FAM24B: variants seen among roughly 807,000 people sequenced by gnomAD.
The protein encoded by FAM24B is family with sequence similarity 24 member B.
FAM24B carries 3 observed loss-of-function variants against 2.3 expected under a neutral mutation model. The observed-to-expected ratio is 1.29, with a 90% confidence interval of 0.59 to 3.32. The LOEUF is 3.32. Among genes scored for constraint, FAM24B ranks in the 30% most tolerant of loss-of-function variants. The pLI is 0.03. For synonymous variants in FAM24B, 36 were observed against 46.3 expected (o/e 0.78, Z 0.90); for missense variants, 98 against 117.2 (o/e 0.84, Z 0.76).
chr10:122,864,152 G>GA (rs1433239802), intron 1 of FAM24B, among the ~76,000 whole-genome samples: 10 of 152,082 alleles, frequency 6.6e-5, no homozygotes, highest in African/African-American at 2.4e-4. Flanking sequence ...TGAAGTTGTT[G>GA]AAAAAATTTA....
chr10:122,877,051 T>C (rs1329420389), intron 1 of FAM24B, among the ~76,000 whole-genome samples: 1 of 152,204 alleles, frequency 6.6e-6, no homozygotes. Context: ...AAAAAATACA[T>C]TGTGATATTG....
At chr10:122,851,264 A>G (rs932010264) in intron 2 of FAM24B, among the ~76,000 whole-genome samples, 3 of 152,246 alleles carry the variant, frequency 2.0e-5, no homozygotes, top group Non-Finnish European at 4.4e-5. Context: ...ATGAAAGCCA[A>G]CAGTAAAAAA....
intron 1 of FAM24B, among the ~76,000 whole-genome samples, chr10:122,866,812 G>T (rs757282745): frequency 5.3e-5 from 8 of 151,906 alleles, no homozygotes; most frequent in Admixed American, 1.3e-4. Flanking sequence ...CAAAAATATC[G>T]AAATGATAAC....
intron 1 of FAM24B, among the ~76,000 whole-genome samples, chr10:122,877,979 G>C (rs1050783135): frequency 1.3e-5 from 2 of 152,094 alleles, no homozygotes; most frequent in African/African-American, 4.8e-5. Flanking sequence ...CAGATGGTTG[G>C]GAAAACAAAT....
chr10:122,869,784 A>C (rs1379394253), intron 1 of FAM24B, among the ~76,000 whole-genome samples: 1 of 152,208 alleles, frequency 6.6e-6, no homozygotes, highest in Non-Finnish European at 1.5e-5. Flanking sequence ...CATTCAAAGC[A>C]GTGTGTAGAG....
chr10:122,870,013 G>C (rs1168536486), intron 1 of FAM24B, among the ~76,000 whole-genome samples: 3 of 152,110 alleles, frequency 2.0e-5, no homozygotes, highest in Admixed American at 6.6e-5. Flanking sequence ...TTTTTGAAAA[G>C]ATCAACAAAA....
intron 1 of FAM24B, among the ~76,000 whole-genome samples, chr10:122,874,631 A>G (rs144667496): frequency 5.3e-5 from 8 of 152,136 alleles, no homozygotes; most frequent in Admixed American, 4.6e-4. Flanking sequence ...GTTCCTCTAT[A>G]GCATGTATTT....
At chr10:122,873,411 C>G (rs1847929588) in intron 1 of FAM24B, among the ~76,000 whole-genome samples, 2 of 152,220 alleles carry the variant, frequency 1.3e-5, no homozygotes. Context: ...ATATTTTAAG[C>G]TCCCTGCTGT....
chr10:122,872,100 AC>A (rs1341118090), intron 1 of FAM24B, among the ~76,000 whole-genome samples: 1 of 152,328 alleles, frequency 6.6e-6, no homozygotes, highest in South Asian at 2.1e-4. Flanking sequence ...CAAGAAAAAA[AC>A]AACCCTATCA....
intron 1 of FAM24B, among the ~76,000 whole-genome samples, chr10:122,871,419 A>C (rs1302775880): frequency 6.6e-6 from 1 of 152,226 alleles, no homozygotes; most frequent in Admixed American, 6.5e-5. Flanking sequence ...CTTTCTTCAC[A>C]GAATTGGAAA....
intron 1 of FAM24B, among the ~76,000 whole-genome samples, chr10:122,870,158 C>T (rs1427207583): frequency 1.3e-5 from 2 of 152,138 alleles, no homozygotes; most frequent in Non-Finnish European, 2.9e-5. Flanking sequence ...CTATAAACAC[C>T]TCTATGCAAA....
intron 2 of FAM24B, among the ~76,000 whole-genome samples, chr10:122,853,805 A>G (rs933007043): frequency 1.3e-5 from 2 of 152,204 alleles, no homozygotes; most frequent in Admixed American, 6.5e-5. Context: ...TTGGGTTCAG[A>G]GGGATATAAC....
chr10:122,878,749 A>G (rs986319622), intron 1 of FAM24B, among the ~76,000 whole-genome samples: 1 of 151,464 alleles, frequency 6.6e-6, no homozygotes, highest in African/African-American at 2.4e-5. Context: ...TTTTTCTTTA[A>G]AAACCAAAAA....
At chr10:122,878,858 A>G (rs1334636097) in intron 1 of FAM24B, among the ~76,000 whole-genome samples, 3 of 151,650 alleles carry the variant, frequency 2.0e-5, no homozygotes, top group African/African-American at 7.3e-5. Flanking sequence ...GGAAGTCAAA[A>G]TCCAGCTTAT....
At chr10:122,860,406 T>C (rs1847709090) in intron 1 of FAM24B, among the ~76,000 whole-genome samples, 1 of 152,250 alleles carries the variant, frequency 6.6e-6, no homozygotes, top group Non-Finnish European at 1.5e-5. Flanking sequence ...CCACAGTTTA[T>C]CCATTCATAC....
At chr10:122,870,017 A>G (rs980771051) in intron 1 of FAM24B, among the ~76,000 whole-genome samples, 2 of 152,210 alleles carry the variant, frequency 1.3e-5, no homozygotes, top group Non-Finnish European at 2.9e-5. Context: ...TGAAAAGATC[A>G]ACAAAATTGA....
intron 2 of FAM24B, among the ~76,000 whole-genome samples, chr10:122,851,097 C>T (rs1847527825): frequency 6.6e-6 from 1 of 152,186 alleles, no homozygotes; most frequent in South Asian, 2.1e-4. Context: ...TGACAACTGG[C>T]ATTTTTCCTC....
intron 1 of FAM24B, among the ~76,000 whole-genome samples, chr10:122,866,550 GCTTA>G (rs1427709079): frequency 1.3e-5 from 2 of 151,936 alleles, no homozygotes; most frequent in African/African-American, 4.8e-5. Context: ...AACAGCATGT[GCTTA>G]CTTGTGTCTC....
At chr10:122,870,635 T>C (rs1283252735) in intron 1 of FAM24B, among the ~76,000 whole-genome samples, 1 of 152,082 alleles carries the variant, frequency 6.6e-6, no homozygotes, top group African/African-American at 2.4e-5. Flanking sequence ...GTTCAACATA[T>C]GCAAATCAAT....
Sources: allele counts gnomAD v4.1 joint callset (sites outside exome capture counted in the v4.1 genomes callset), GRCh38; gene constraint gnomAD v4.1.1; transcripts MANE v1.5; gene names NCBI Gene and HGNC (gene_info 2026-07-23, HGNC 2026-07-21).